Variants in SCNN1B observed in about 807,000 individuals in gnomAD.
SCNN1B encodes sodium channel epithelial 1 subunit beta, also known as epithelial sodium channel subunit beta.
SCNN1B carries 46 observed loss-of-function variants against 65.3 expected under a neutral mutation model. The ratio of observed to expected loss-of-function variants is 0.70; its 90% CI spans 0.56 to 0.90. The LOEUF (loss-of-function observed/expected upper bound fraction) is 0.90, where lower values mean the gene tolerates loss of function less well. SCNN1B is among the 40% of genes least tolerant of loss of function. The pLI is 0.00. For missense variants in SCNN1B, 751 were observed against 830.5 expected, an observed-to-expected ratio of 0.90 and a Z score of 1.18; for synonymous variants, 349 against 330.6, an observed-to-expected ratio of 1.06 and a Z score of -0.60.
intron 1 of SCNN1B, among the ~76,000 whole-genome samples, chr16:23,317,401 G>A (rs527502068): frequency 3.3e-5 from 5 of 152,350 alleles, no homozygotes; most frequent in African/African-American, 7.2e-5. Context: ...GTGTTGCCCA[G>A]CGTGAGAACG....
chr16:23,357,035 G>A (rs1048801944), intron 4 of SCNN1B, among the ~76,000 whole-genome samples: 6 of 152,102 alleles, frequency 3.9e-5, no homozygotes, highest in African/African-American at 7.2e-5. Flanking sequence ...CACCCACCTC[G>A]GCCCCACCCC....
intron 1 of SCNN1B, among the ~76,000 whole-genome samples, chr16:23,324,245 C>T (rs1397849722): frequency 2.7e-5 from 4 of 150,420 alleles, no homozygotes; most frequent in East Asian, 1.9e-4. Flanking sequence ...TGGAGTGCAG[C>T]GGTACAGTCA....
rs753938703 is a variant in SCNN1B at position 23,348,598 on chromosome 16, C to T, written c.-2C>T. ...TCCCCATGCCTCTCTGCAGGTGCCA[C>T]TATGCACGTGAAGAAGTACCTGCTG... On this transcript the variant is annotated 5_prime_UTR_variant, in exon 2 of 13. Transcript: ENST00000343070. The surrounding 1 kb of genome is among the most constrained non-coding windows in gnomAD (Gnocchi z 4.5). 3.7e-6 allele frequency: 6 copies of T among 1,612,656 alleles called. No homozygotes were observed. The Admixed American group carries it at 1.0e-4, about 27-fold the overall frequency.
intron 1 of SCNN1B, among the ~76,000 whole-genome samples, chr16:23,305,829 C>A (rs567319379): frequency 6.6e-6 from 1 of 151,946 alleles, no homozygotes; most frequent in East Asian, 1.9e-4. Context: ...GAGCAGGCAC[C>A]CTGCAGGGCA....
intron 2 of SCNN1B, among the ~76,000 whole-genome samples, chr16:23,285,040 G>C (rs887411311): frequency 5.3e-5 from 8 of 152,166 alleles, no homozygotes; most frequent in Non-Finnish European, 1.2e-4. Flanking sequence ...GTATCAAAAA[G>C]AAAGAATGAA....
chr16:23,339,389 G>A (rs1962007104), intron 1 of SCNN1B, among the ~76,000 whole-genome samples: 1 of 148,396 alleles, frequency 6.7e-6, no homozygotes, highest in Admixed American at 6.7e-5. Context: ...GAATTGCTGG[G>A]TCATATGATA....
In SCNN1B at chr16:23,380,216, C is replaced by A; in HGVS notation, c.1542+47C>A. The A allele has an allele frequency of 6.4e-7, 1 of 1,551,212 alleles. No homozygotes were observed. The highest frequency in any genetic ancestry group is 8.9e-7 in the Non-Finnish European group (1 of 1,122,640). ...TACCCCAGCCCTGCCCTGCCCTGAC[C>A]CCTGCACCCTGAGGGTGGGGGAAGG... On this transcript the variant is annotated intron_variant, in intron 12 of 12. Coordinates refer to ENST00000343070, the MANE Select transcript of SCNN1B (RefSeq NM_000336.3). This position sits in a 1 kb window ranked among gnomAD's most constrained non-coding sequence, Gnocchi z 5.4.
At chr16:23,340,149 TTG>T (rs1189748953) in intron 1 of SCNN1B, among the ~76,000 whole-genome samples, 1 of 152,242 alleles carries the variant, frequency 6.6e-6, no homozygotes, top group Non-Finnish European at 1.5e-5. Context: ...GTTGAACTGT[TTG>T]TCTTATTATT....
upstream of SCNN1B, among the ~76,000 whole-genome samples, chr16:23,298,269 G>A (rs1038825049): frequency 6.6e-6 from 1 of 152,126 alleles, no homozygotes; most frequent in Non-Finnish European, 1.5e-5. Context: ...TGCAGGGCAG[G>A]TTCTTGGCTT....
intron 2 of SCNN1B, among the ~76,000 whole-genome samples, chr16:23,285,722 C>T (rs1030176896): frequency 6.6e-6 from 1 of 151,872 alleles, no homozygotes; most frequent in Non-Finnish European, 1.5e-5. Context: ...GCCTATAATC[C>T]CAACACTTTG....
At chr16:23,300,893 A>G (rs771237131), upstream of SCNN1B, among the ~76,000 whole-genome samples, 5 of 152,154 alleles carry the variant, frequency 3.3e-5, no homozygotes, top group Non-Finnish European at 5.9e-5. Context: ...TGGGTTTATT[A>G]TAGTGTAATG....
intron 1 of SCNN1B, among the ~76,000 whole-genome samples, chr16:23,314,761 G>A (rs1961415860): frequency 6.6e-6 from 1 of 152,218 alleles, no homozygotes; most frequent in Admixed American, 6.5e-5. Flanking sequence ...CCAACAAAGA[G>A]GGTACTCAGC....
intron 1 of SCNN1B, among the ~76,000 whole-genome samples, chr16:23,329,608 A>C (rs1425227919): frequency 6.6e-6 from 1 of 152,210 alleles, no homozygotes; most frequent in African/African-American, 2.4e-5. Flanking sequence ...AGACACAGAG[A>C]TACCATGTAG....
At chr16:23,373,118 A>G (rs1962820002) in intron 7 of SCNN1B, among the ~76,000 whole-genome samples, 1 of 151,966 alleles carries the variant, frequency 6.6e-6, no homozygotes, top group Non-Finnish European at 1.5e-5. Flanking sequence ...AAAAAAGTAA[A>G]ATAATAAAAT....
rs969148361 is a variant in SCNN1B at position 23,302,351 on chromosome 16, C to T, written c.-95C>T. 6.3e-6 allele frequency: 1 copy of T among 159,046 alleles called. No homozygotes were observed. Among genetic ancestry groups the T allele is most frequent in the Non-Finnish European group, 1.4e-5 (1 of 72,760 alleles). The allele number at this position is 159,046 out of a possible 1,614,324, so 9.9% of individuals were successfully genotyped here. A position where few individuals can be genotyped will look rare whatever the true frequency, so the allele number is the denominator to read the frequency against. Reference sequence around the variant, plus strand: ...GTGTCCCAGTGTCACCAACACTCGGCCGCCGCCGCCAGCTTGGCGCGCACC... The same window carrying T: ...GTGTCCCAGTGTCACCAACACTCGGTCGCCGCCGCCAGCTTGGCGCGCACC... On this transcript the variant is annotated 5_prime_UTR_variant, in exon 1 of 13. Coordinates refer to ENST00000343070, the MANE Select transcript of SCNN1B (RefSeq NM_000336.3).
chr16:23,325,098 A>G (rs962648829), intron 1 of SCNN1B, among the ~76,000 whole-genome samples: 1 of 152,176 alleles, frequency 6.6e-6, no homozygotes, highest in African/African-American at 2.4e-5. Flanking sequence ...AGGAAATGCA[A>G]GCTCTGGTGC....
At chr16:23,301,686 G>A (rs1961087702), upstream of SCNN1B, among the ~76,000 whole-genome samples, 1 of 152,160 alleles carries the variant, frequency 6.6e-6, no homozygotes, top group Non-Finnish European at 1.5e-5. Flanking sequence ...CACAGGTGTA[G>A]TGGGCACTCC....
At chr16:23,350,683 C>G (rs147458756) in intron 2 of SCNN1B, among the ~76,000 whole-genome samples, 1 of 152,176 alleles carries the variant, frequency 6.6e-6, no homozygotes, top group Non-Finnish European at 1.5e-5. Flanking sequence ...GAGGCCAAAG[C>G]GAGTGGATTA....
chr16:23,310,946 G>A (rs954370219), intron 1 of SCNN1B, among the ~76,000 whole-genome samples: 5 of 152,244 alleles, frequency 3.3e-5, no homozygotes, highest in Non-Finnish European at 4.4e-5. Context: ...ATTGGTGCAA[G>A]TTCTTGGCCT....
Sources: gnomAD v4.1 joint callset for allele counts (sites outside exome capture counted in the v4.1 genomes callset) on GRCh38, gnomAD v4.1.1 for gene constraint, Gnocchi (gnomAD v3.1) non-coding constraint, MANE v1.5 for transcripts, NCBI Gene and HGNC (gene_info 2026-07-23, HGNC 2026-07-21) for gene names.